Variants in KCND2 observed in about 807,000 individuals in gnomAD.
KCND2 encodes the protein potassium voltage-gated channel subfamily D member 2, also known as A-type voltage-gated potassium channel KCND2.
KCND2 carries 16 observed loss-of-function variants against 54.4 expected under a neutral mutation model. The observed-to-expected ratio is 0.29, with a 90% confidence interval of 0.20 to 0.45. The LOEUF is 0.45. Among genes scored for constraint, KCND2 ranks in the 20% least tolerant of loss-of-function variants. The pLI, the probability that KCND2 is intolerant of heterozygous loss-of-function variation, is 1.00. For synonymous variants in KCND2, 317 were observed against 310.7 expected, an observed-to-expected ratio of 1.02 and a Z score of -0.21; for missense variants, 486 against 824.2, an observed-to-expected ratio of 0.59 and a Z score of 5.02.
chr7:120,549,991 A>G (rs1792086645), intron 1 of KCND2, among the ~76,000 whole-genome samples: 1 of 152,118 alleles, frequency 6.6e-6, no homozygotes, highest in Non-Finnish European at 1.5e-5. Context: ...GTTGGGAAGA[A>G]TAGATCAAAG....
intron 1 of KCND2, among the ~76,000 whole-genome samples, chr7:120,286,253 G>C (rs1402404997): frequency 7.2e-5 from 11 of 151,756 alleles, no homozygotes; most frequent in Admixed American, 7.2e-4. Context: ...TGTGTAATGT[G>C]TACTCAAATC....
intron 1 of KCND2, among the ~76,000 whole-genome samples, chr7:120,365,175 AAG>A (rs1292071571): frequency 7.1e-6 from 1 of 140,124 alleles, no homozygotes; most frequent in Non-Finnish European, 1.6e-5. Flanking sequence ...GGAGGGAGCA[AAG>A]AGAGGAAGGA....
At chr7:120,739,427 G>C (rs539695608) in intron 2 of KCND2, among the ~76,000 whole-genome samples, 1 of 152,018 alleles carries the variant, frequency 6.6e-6, no homozygotes, top group Middle Eastern at 3.4e-3. Flanking sequence ...CACTGAGTCT[G>C]GTCTGAAATC....
intron 2 of KCND2, among the ~76,000 whole-genome samples, chr7:120,737,215 C>T (rs562552307): frequency 4.7e-4 from 72 of 151,906 alleles, no homozygotes; most frequent in Non-Finnish European, 9.4e-4. Flanking sequence ...TTTGGAAGAC[C>T]ACATTTTGAG....
intron 1 of KCND2, among the ~76,000 whole-genome samples, chr7:120,437,689 G>T (rs1029826102): frequency 3.3e-5 from 5 of 152,166 alleles, no homozygotes; most frequent in Non-Finnish European, 1.5e-5. Context: ...ATACTGAACA[G>T]TATAGTGATG....
chr7:120,502,878 T>A (rs1802956649), intron 1 of KCND2, among the ~76,000 whole-genome samples: 2 of 152,082 alleles, frequency 1.3e-5, no homozygotes, highest in African/African-American at 4.8e-5. Context: ...TCTTCCTTGG[T>A]GGGAACAGTT....
chr7:120,623,262 C>T (rs995804800), intron 1 of KCND2, among the ~76,000 whole-genome samples: 4 of 152,038 alleles, frequency 2.6e-5, no homozygotes, highest in Non-Finnish European at 5.9e-5. Context: ...AGAAAATAAG[C>T]GTGTATTATT....
intron 1 of KCND2, among the ~76,000 whole-genome samples, chr7:120,516,400 T>C (rs931393226): frequency 6.6e-6 from 1 of 152,138 alleles, no homozygotes; most frequent in African/African-American, 2.4e-5. Flanking sequence ...ATTGCTTCAA[T>C]TTCTTGAAAG....
intron 1 of KCND2, among the ~76,000 whole-genome samples, chr7:120,511,731 G>A (rs1803118523): frequency 6.6e-6 from 1 of 152,028 alleles, no homozygotes; most frequent in African/African-American, 2.4e-5. Flanking sequence ...GTAATTTGAG[G>A]ATAATAGCAC....
chr7:120,463,622 A>G (rs1038028205), intron 1 of KCND2, among the ~76,000 whole-genome samples: 7 of 152,096 alleles, frequency 4.6e-5, no homozygotes, highest in Non-Finnish European at 1.0e-4. Context: ...CTTGGGTTGT[A>G]AATTATAGGT....
At chr7:120,508,062 CTTTATTA>C (rs1803055296) in intron 1 of KCND2, among the ~76,000 whole-genome samples, 1 of 149,280 alleles carries the variant, frequency 6.7e-6, no homozygotes, top group Non-Finnish European at 1.5e-5. Flanking sequence ...CTTTTTTTTT[CTTTATTA>C]GCTGCCGTGA....
intron 1 of KCND2, among the ~76,000 whole-genome samples, chr7:120,415,026 A>G (rs911348548): frequency 6.6e-6 from 1 of 152,184 alleles, no homozygotes; most frequent in African/African-American, 2.4e-5. Context: ...GAAGTCAACT[A>G]TCTGTGTTTT....
intron 1 of KCND2, among the ~76,000 whole-genome samples, chr7:120,722,047 T>G (rs12533756): frequency 0.28 from 42,390 of 152,014 alleles, 6,458 homozygotes; most frequent in East Asian, 0.43. Context: ...TGATTGTGAG[T>G]CTTCTCCAGC....
intron 1 of KCND2, among the ~76,000 whole-genome samples, chr7:120,477,718 C>T (rs1195642463): frequency 6.6e-6 from 1 of 152,060 alleles, no homozygotes; most frequent in Non-Finnish European, 1.5e-5. Flanking sequence ...GAAGGGTCTG[C>T]AGTCAAGCAT....
At chr7:120,640,200 A>G (rs1793354284) in intron 1 of KCND2, among the ~76,000 whole-genome samples, 1 of 152,150 alleles carries the variant, frequency 6.6e-6, no homozygotes, top group Non-Finnish European at 1.5e-5. Context: ...GATGATATAT[A>G]TAAATATCCT....
At chr7:120,412,492 C>T (rs536304371) in intron 1 of KCND2, among the ~76,000 whole-genome samples, 4 of 149,312 alleles carry the variant, frequency 2.7e-5, no homozygotes, top group East Asian at 4.0e-4. Context: ...ATTATTTCCA[C>T]CTTTCTTACT....
intron 1 of KCND2, among the ~76,000 whole-genome samples, chr7:120,575,160 A>G (rs1041633890): frequency 3.3e-5 from 5 of 152,178 alleles, no homozygotes; most frequent in African/African-American, 4.8e-5. Context: ...ATTGACTCAC[A>G]TGATCACAAA....
intron 1 of KCND2, among the ~76,000 whole-genome samples, chr7:120,510,540 C>G (rs1803098498): frequency 6.6e-6 from 1 of 151,976 alleles, no homozygotes; most frequent in Non-Finnish European, 1.5e-5. Context: ...TACATTTATT[C>G]ATTAATAAAT....
intron 1 of KCND2, among the ~76,000 whole-genome samples, chr7:120,527,012 A>G (rs1199264952): frequency 6.6e-6 from 1 of 152,176 alleles, no homozygotes; most frequent in African/African-American, 2.4e-5. Context: ...AATAGAGCTC[A>G]TGATAATATA....
Sources: gnomAD v4.1 joint callset for allele counts (sites outside exome capture counted in the v4.1 genomes callset) on GRCh38, gnomAD v4.1.1 for gene constraint, MANE v1.5 for transcripts, NCBI Gene and HGNC (gene_info 2026-07-23, HGNC 2026-07-21) for gene names.